FANCC: variants seen among roughly 807,000 people sequenced by gnomAD.
The protein encoded by FANCC is Fanconi anemia group C protein.
A neutral mutation model predicts 71.3 loss-of-function variants in FANCC; 55 were observed. The observed-to-expected ratio is 0.77, with a 90% CI of 0.62 to 0.97. The LOEUF (loss-of-function observed/expected upper bound fraction) is 0.97, where lower values mean the gene tolerates loss of function less well. FANCC is among the 50% of genes least tolerant of loss of function. The pLI is 0.00. For synonymous variants in FANCC, 275 were observed against 244.9 expected (o/e 1.12, Z -1.15); for missense variants, 678 against 670.9 (o/e 1.01, Z -0.12).
intron 1 of FANCC, among the ~76,000 whole-genome samples, chr9:95,307,779 C>G (rs139830345): frequency 6.6e-6 from 1 of 152,346 alleles, no homozygotes; most frequent in Non-Finnish European, 1.5e-5. Context: ...TTCACTCCTG[C>G]CAGTTGCTGC....
chr9:95,294,045 T>C, intron 1 of FANCC: 1 of 1,605,464 alleles, frequency 6.2e-7, no homozygotes, highest in Admixed American at 1.7e-5. Context: ...TAAACTTCAG[T>C]GCACAGAACA....
intron 6 of FANCC, among the ~76,000 whole-genome samples, chr9:95,150,431 T>C (rs1218950797): frequency 6.6e-6 from 1 of 152,126 alleles, no homozygotes; most frequent in Non-Finnish European, 1.5e-5. Flanking sequence ...GATTCCTCCC[T>C]TTCTCTCAGG....
At chr9:95,280,764 C>T (rs565422096) in intron 1 of FANCC, among the ~76,000 whole-genome samples, 1 of 152,228 alleles carries the variant, frequency 6.6e-6, no homozygotes, top group South Asian at 2.1e-4. Context: ...GACAGAAATT[C>T]AAAATACTTG....
intron 12 of FANCC, 108 bp downstream of exon 12, chr9:95,114,521 G>A (rs2072231716): frequency 1.0e-6 from 1 of 985,448 alleles, no homozygotes; most frequent in South Asian, 1.3e-5. Flanking sequence ...GTTTGGTGAT[G>A]GTCCCAGACC....
chr9:95,294,341 T>C (rs1834245628), intron 1 of FANCC: 3 of 1,589,466 alleles, frequency 1.9e-6, no homozygotes, highest in African/African-American at 1.3e-5. Context: ...TTGGAGTCAC[T>C]GGACACAGAG....
intron 6 of FANCC, among the ~76,000 whole-genome samples, chr9:95,165,302 T>C (rs1340734274): frequency 6.6e-6 from 1 of 151,956 alleles, no homozygotes; most frequent in African/African-American, 2.4e-5. Context: ...TAGGTTTAGT[T>C]TGTTCTTTTT....
intron 1 of FANCC, among the ~76,000 whole-genome samples, chr9:95,311,471 A>G (rs1378060947): frequency 6.6e-6 from 1 of 152,222 alleles, no homozygotes. Flanking sequence ...TTATAAAAGA[A>G]GCAAAAGTGT....
At chr9:95,299,106 CTTACTT>C (rs1220246486) in intron 1 of FANCC, among the ~76,000 whole-genome samples, 1 of 152,152 alleles carries the variant, frequency 6.6e-6, no homozygotes, top group Non-Finnish European at 1.5e-5. Context: ...CACCATTTAC[CTTACTT>C]TTAACTTTAT....
intron 1 of FANCC, among the ~76,000 whole-genome samples, chr9:95,281,281 G>A (rs1354191102): frequency 6.6e-6 from 1 of 151,956 alleles, no homozygotes; most frequent in African/African-American, 2.4e-5. Flanking sequence ...ACAAAGAGAG[G>A]ATCCTGAAAG....
rs1278747360 is a variant in FANCC, at chr9:95,292,150, CACTT to C, written c.-79+25372_-79+25375del. Among the ~76,000 whole-genome samples the C allele has an allele frequency of 1.3e-5, 2 of 149,462 alleles. No individual in the cohort carries two copies. Among genetic ancestry groups the C allele is most frequent in the African/African-American group, 4.9e-5 (2 of 41,118 alleles). The stretch of plus-strand genomic sequence containing the variant: ...GACAAATGGAACAGAAAAGAGAACA[CACTT>C]ACAGTCAACTGATTTTTGACAAAGG... On this transcript the variant is annotated intron_variant, in intron 1 of 14. Transcript: ENST00000289081.
chr9:95,136,107 A>C (rs1827645303), intron 7 of FANCC, among the ~76,000 whole-genome samples: 1 of 152,224 alleles, frequency 6.6e-6, no homozygotes, highest in Admixed American at 6.5e-5. Context: ...TAACAATTTC[A>C]AGGCCAGATG....
intron 1 of FANCC, among the ~76,000 whole-genome samples, chr9:95,291,742 G>A (rs1834015430): frequency 6.6e-6 from 1 of 151,804 alleles, no homozygotes; most frequent in South Asian, 2.1e-4. Context: ...GAGGTCAGGA[G>A]TGCGAGACCA....
intron 3 of FANCC, among the ~76,000 whole-genome samples, chr9:95,242,284 T>G (rs1230711201): frequency 6.6e-6 from 1 of 152,114 alleles, no homozygotes; most frequent in Non-Finnish European, 1.5e-5. Context: ...TCTAGGATTC[T>G]TCAGGTTTAA....
chr9:95,119,962 T>C (rs1400683053), intron 10 of FANCC, among the ~76,000 whole-genome samples: 2 of 151,518 alleles, frequency 1.3e-5, no homozygotes, highest in Admixed American at 1.3e-4. Flanking sequence ...TCCTCCTGCC[T>C]TGGGGCTCCC....
chr9:95,170,584 C>T (rs905209530), intron 6 of FANCC, among the ~76,000 whole-genome samples: 9 of 149,892 alleles, frequency 6.0e-5, no homozygotes, highest in Non-Finnish European at 1.2e-4. Context: ...TTTGGAATAT[C>T]ATGTTTCTTA....
At chr9:95,245,664 AG>A (rs1433348329) in intron 3 of FANCC, among the ~76,000 whole-genome samples, 11 of 151,936 alleles carry the variant, frequency 7.2e-5, no homozygotes, top group Non-Finnish European at 1.0e-4. Context: ...TGGGAGGTCG[AG>A]GCGGGTGAAT....
Position 95,111,495 on chromosome 9 carries a change from G to C in FANCC, c.1297C>G (p.Arg433Gly). 6.2e-7 allele frequency: 1 copy of C among 1,613,802 alleles called. No individual in the cohort carries two copies. The highest frequency in any genetic ancestry group is 8.5e-7 in the Non-Finnish European group (1 of 1,180,018). ...LWLLAFYYGP[R>G]DGRQQRAQTM... Reference sequence around the variant, plus strand: ...TGTGCTCTCTGCTGCCTCCCATCACGGGGGCCGTAGTAGAAGGCCAAGAGC... The same window carrying C: ...TGTGCTCTCTGCTGCCTCCCATCACCGGGGCCGTAGTAGAAGGCCAAGAGC... The change falls in exon 13 of 15, where the codon CGT becomes GGT. Residue 433 changes from arginine (R) to glycine (G), a missense_variant. By Grantham distance (125) the Arg-to-Gly change is moderately radical. Transcript: ENST00000289081.
chr9:95,266,455 CT>C (rs1832390897), intron 1 of FANCC, among the ~76,000 whole-genome samples: 1 of 152,206 alleles, frequency 6.6e-6, no homozygotes, highest in Non-Finnish European at 1.5e-5. Flanking sequence ...TCACTTTCCT[CT>C]TCAGAACCAC....
chr9:95,107,952 T>C (rs1210680001), intron 13 of FANCC, among the ~76,000 whole-genome samples: 1 of 152,226 alleles, frequency 6.6e-6, no homozygotes, highest in Non-Finnish European at 1.5e-5. Context: ...TGCTGAGATG[T>C]TTCTGCTTGC....
Sources: allele counts gnomAD v4.1 joint callset (sites outside exome capture counted in the v4.1 genomes callset), GRCh38; gene constraint gnomAD v4.1.1; transcripts MANE v1.5; gene names NCBI Gene and HGNC (gene_info 2026-07-23, HGNC 2026-07-21).